IL3RA: variants seen among roughly 807,000 people sequenced by gnomAD.
The protein encoded by IL3RA is interleukin 3 receptor subunit alpha.
A neutral mutation model predicts 52.3 loss-of-function variants in IL3RA; 73 were observed. That is an observed-to-expected ratio of 1.40 (90% CI 1.16 to 1.70). The LOEUF (loss-of-function observed/expected upper bound fraction) is 1.70, where lower values mean the gene tolerates loss of function less well. IL3RA is among the 40% of genes most tolerant of loss of function. The pLI, the probability that IL3RA is intolerant of heterozygous loss-of-function variation, is 0.00. For missense variants in IL3RA, 664 were observed against 504.4 expected (o/e 1.32, Z -3.03); for synonymous variants, 260 against 194.0 (o/e 1.34, Z -2.83).
Position 1,382,455 on chromosome X carries a change from AG to A in IL3RA, c.1128del (p.Thr378LeufsTer39). ...ECLVTEVQVV[Q>X]KT ...CTGGTGACTGAAGTACAGGTCGTGCAGAAAACTTGAGACTGGGGTTCAGGGC... is the reference window on the plus strand; with the variant it reads ...CTGGTGACTGAAGTACAGGTCGTGCAAAAACTTGAGACTGGGGTTCAGGGC... On this transcript the variant is annotated frameshift_variant, in exon 12 of 12. Coordinates refer to ENST00000331035, the MANE Select transcript of IL3RA (RefSeq NM_002183.4). LOFTEE classifies it high-confidence loss of function. The A allele has an allele frequency of 6.2e-7, 1 of 1,613,900 alleles. No individual in the cohort carries two copies. The highest frequency in any genetic ancestry group is 8.5e-7 in the Non-Finnish European group (1 of 1,179,830).
rs1355205373 is a variant in IL3RA, at chrX:1,348,644, C to CTT, written c.298+100_298+101insTT. ...GCTGTGTCTTTTTTCTTTTCTTTTT[C>CTT]TCTTTCTTTCTTTCTTTCTTTCTTT... is the stretch of plus-strand genomic sequence containing the variant. On this transcript the variant is annotated intron_variant, in intron 4 of 11. Coordinates refer to ENST00000331035, the MANE Select transcript of IL3RA (RefSeq NM_002183.4). 3,510 of 496,838 alleles carry CTT rather than the reference C, an allele frequency of 7.1e-3. 62 individuals are homozygous for CTT. The highest frequency in any genetic ancestry group is 0.023 in the African/African-American group (613 of 26,396). The allele number at this position is 496,838 out of a possible 1,614,324, so 30.8% of individuals were successfully genotyped here.
At chrX:1,360,877 CTCTGTCTCTCTCTCCCTTCCCCTCTCTG>C (rs2087228562) in intron 8 of IL3RA, among the ~76,000 whole-genome samples, 1 of 146,156 alleles carries the variant, frequency 6.8e-6, no homozygotes, top group African/African-American at 2.7e-5. Flanking sequence ...CCCTTCCCCT[CTCTGTCTCTCTCTCCCTTCCCCTCTCTG>C]TCTCTCTCTC....
chrX:1,355,662 G>T (rs1232305018), intron 6 of IL3RA, among the ~76,000 whole-genome samples: 1 of 151,722 alleles, frequency 6.6e-6, no homozygotes, highest in South Asian at 2.1e-4. Flanking sequence ...GGGCGGAGGT[G>T]GGGGAGGTGA....
At chrX:1,380,517 GA>G (rs1199586199) in intron 10 of IL3RA, among the ~76,000 whole-genome samples, 2 of 12,180 alleles carry the variant, frequency 1.6e-4, no homozygotes, top group Admixed American at 5.8e-4. Context: ...AGGGGGAAGG[GA>G]AGAGGGGGAG....
At chrX:1,348,696 C>CTG (rs2085922442) in intron 4 of IL3RA, 151 bp downstream of exon 4, 8 of 344,892 alleles carry the variant, frequency 2.3e-5, no homozygotes, top group Middle Eastern at 7.8e-4. Flanking sequence ...CTTTCTTTTT[C>CTG]TTTCTTTCTG....
At chrX:1,352,058 C>T (rs1305448857) in intron 4 of IL3RA, 42 bp from the exon 5 acceptor site, 9 of 1,606,882 alleles carry the variant, frequency 5.6e-6, no homozygotes, top group Non-Finnish European at 7.7e-6. Context: ...AGCCACCGCG[C>T]CCGGTCCCGA....
chrX:1,367,974 G>T (rs1474474073), intron 9 of IL3RA, among the ~76,000 whole-genome samples: 4 of 152,184 alleles, frequency 2.6e-5, no homozygotes, highest in Non-Finnish European at 5.9e-5. Context: ...ACGTGGAGGG[G>T]AAACAAGGTC....
chrX:1,367,909 A>G (rs1224538532), intron 9 of IL3RA, among the ~76,000 whole-genome samples: 2 of 151,902 alleles, frequency 1.3e-5, no homozygotes, highest in African/African-American at 4.8e-5. Flanking sequence ...GTGACCCCAA[A>G]AAGGACCCTG....
chrX:1,378,149 C>T (rs1321045290), intron 9 of IL3RA, among the ~76,000 whole-genome samples: 1 of 145,710 alleles, frequency 6.9e-6, no homozygotes, highest in Non-Finnish European at 1.5e-5. Flanking sequence ...TGCCACTGCA[C>T]TCCAGCCTGG....
At chrX:1,378,513 AG>A in intron 9 of IL3RA, 145 bp from the exon 10 acceptor site, 1 of 670,000 alleles carries the variant, frequency 1.5e-6, no homozygotes, top group East Asian at 2.7e-5. Flanking sequence ...GTCTCTGTGC[AG>A]GTGGCACTAC....
intron 6 of IL3RA, among the ~76,000 whole-genome samples, chrX:1,353,193 C>CCCATCATGGGTT (rs1313185324): frequency 2.0e-5 from 3 of 150,600 alleles, no homozygotes; most frequent in African/African-American, 7.3e-5. Context: ...CATGGGACCC[C>CCCATCATGGGTT]CCATCATGGG....
Position 1,336,825 on chromosome X carries a change from G to A in IL3RA, c.-140G>A, listed in dbSNP as rs1441985340. The A allele has an allele frequency of 1.3e-5, 2 of 152,188 alleles. No homozygotes were observed. The highest frequency in any genetic ancestry group is 6.6e-5 in the Admixed American group (1 of 15,266). The allele number at this position is 152,188 out of a possible 1,614,324, so 9.4% of individuals were successfully genotyped here. A position where few individuals can be genotyped will look rare whatever the true frequency, so the allele number is the denominator to read the frequency against. On this transcript the variant is annotated 5_prime_UTR_variant, in exon 1 of 12. Coordinates refer to ENST00000331035, the MANE Select transcript of IL3RA (RefSeq NM_002183.4). ...GGGGAAAGCTGCTTTCAGCGCACAC[G>A]GGAAGATATCAGAAACATCCTAGGA...
chrX:1,381,511 C>T (rs1333515884), intron 11 of IL3RA, among the ~76,000 whole-genome samples: 18 of 151,886 alleles, frequency 1.2e-4, no homozygotes, highest in South Asian at 2.1e-4. Flanking sequence ...GGGCCGTCTC[C>T]GCACCCTGCA....
intron 8 of IL3RA, among the ~76,000 whole-genome samples, chrX:1,362,933 G>A (rs769139828): frequency 1.2e-4 from 18 of 152,008 alleles, no homozygotes; most frequent in Admixed American, 7.2e-4. Flanking sequence ...ACACCACCAC[G>A]CCTGGCTAAT....
chrX:1,348,388 G>A (rs1196964345), intron 3 of IL3RA, 43 bp from the exon 4 acceptor site: 12 of 1,438,048 alleles, frequency 8.3e-6, no homozygotes, highest in East Asian at 6.8e-5. Flanking sequence ...GTCAAATTAA[G>A]CATGGTCTGT....
chrX:1,379,281 G>A (rs1228637188), intron 10 of IL3RA, among the ~76,000 whole-genome samples: 12 of 151,424 alleles, frequency 7.9e-5, no homozygotes, highest in African/African-American at 1.9e-4. Context: ...TCAGCCTCCC[G>A]AGTAGCTGGG....
intron 1 of IL3RA, among the ~76,000 whole-genome samples, chrX:1,339,329 C>T (rs2085403724): frequency 1.3e-5 from 2 of 152,178 alleles, no homozygotes; most frequent in African/African-American, 4.8e-5. Flanking sequence ...TGCGGTCCCT[C>T]TGCCCAGGCA....
chrX:1,364,760 A>T (rs2149112380), intron 8 of IL3RA, among the ~76,000 whole-genome samples: 1 of 151,820 alleles, frequency 6.6e-6, no homozygotes, highest in South Asian at 2.1e-4. Flanking sequence ...TGAGAGGCAT[A>T]AACCGTAGCA....
intron 11 of IL3RA, among the ~76,000 whole-genome samples, chrX:1,382,169 T>A (rs1193601983): frequency 8.5e-5 from 7 of 82,198 alleles, no homozygotes; most frequent in Non-Finnish European, 1.2e-4. Flanking sequence ...CAGGATGGTC[T>A]GGATCTCCTG....
Sources: gnomAD v4.1 joint callset for allele counts (sites outside exome capture counted in the v4.1 genomes callset) on GRCh38, gnomAD v4.1.1 for gene constraint, MANE v1.5 for transcripts, NCBI Gene and HGNC (gene_info 2026-07-23, HGNC 2026-07-21) for gene names.